The following MRTFB variants were observed in gnomAD, a reference collection of about 807,000 sequenced individuals.
The protein encoded by MRTFB is myocardin-related transcription factor B.
MRTFB carries 29 observed loss-of-function variants against 104.2 expected under a neutral mutation model. The ratio of observed to expected loss-of-function variants is 0.28; its 90% confidence interval spans 0.21 to 0.38. MRTFB has a LOEUF of 0.38. Among genes scored for constraint, MRTFB ranks in the 10% least tolerant of loss-of-function variants. MRTFB has a pLI of 1.00. For synonymous variants in MRTFB, 535 were observed against 519.5 expected, an observed-to-expected ratio of 1.03 and a Z score of -0.41; for missense variants, 1,270 against 1,341.6, an observed-to-expected ratio of 0.95 and a Z score of 0.83.
At chr16:14,190,828 A>G (rs2040147496) in intron 3 of MRTFB, among the ~76,000 whole-genome samples, 2 of 152,190 alleles carry the variant, frequency 1.3e-5, no homozygotes, top group Admixed American at 6.5e-5. Context: ...GTGTGGCTCA[A>G]CCAGGAGTGT....
chr16:14,249,897 CCAGCTT>C (rs2043184142), intron 13 of MRTFB, among the ~76,000 whole-genome samples: 1 of 152,220 alleles, frequency 6.6e-6, no homozygotes, highest in African/African-American at 2.4e-5. Flanking sequence ...CTGGGTGAAA[CCAGCTT>C]TGGGGACAGC....
chr16:14,009,373 A>G, the MRTFB span: 1 of 152,158 alleles, frequency 6.6e-6, no homozygotes, highest in African/African-American at 2.4e-5. Flanking sequence ...GTATCCTGCA[A>G]CCATACTAAA....
chr16:14,144,063 T>C (rs969205655), intron 3 of MRTFB: 1 of 152,240 alleles, frequency 6.6e-6, no homozygotes, highest in Non-Finnish European at 1.5e-5. Flanking sequence ...GGGAATAATG[T>C]ATTGGTTTTT....
chr16:14,244,145 A>G (rs1411022429), intron 10 of MRTFB, among the ~76,000 whole-genome samples: 3 of 152,114 alleles, frequency 2.0e-5, no homozygotes, highest in African/African-American at 7.2e-5. Context: ...CCCAAAGTGC[A>G]GTTTTGCCTG....
chr16:14,038,396 C>A, the MRTFB span, among the ~76,000 whole-genome samples: 1 of 152,194 alleles, frequency 6.6e-6, no homozygotes, highest in African/African-American at 2.4e-5. Flanking sequence ...GGACAAGATT[C>A]ATTCCATAAC....
intron 2 of MRTFB, among the ~76,000 whole-genome samples, chr16:14,119,691 T>A (rs982328337): frequency 1.3e-5 from 2 of 152,228 alleles, no homozygotes; most frequent in East Asian, 3.8e-4. Context: ...CTGGTCTGTT[T>A]TAAACTTATT....
At chr16:14,038,745 G>C in the MRTFB span, among the ~76,000 whole-genome samples, 1 of 152,126 alleles carries the variant, frequency 6.6e-6, no homozygotes, top group Non-Finnish European at 1.5e-5. Flanking sequence ...TGGCTGGCTG[G>C]TTCTGGTTCA....
chr16:14,212,447 C>A (rs773040387), intron 5 of MRTFB, 38 bp downstream of exon 5: 6 of 1,580,676 alleles, frequency 3.8e-6, no homozygotes, highest in Non-Finnish European at 4.3e-6. Flanking sequence ...ACTTCTCTCT[C>A]CTTCTCTCCT....
intron 1 of MRTFB, among the ~76,000 whole-genome samples, chr16:14,078,229 A>G (rs1348368698): frequency 6.6e-6 from 1 of 152,234 alleles, no homozygotes; most frequent in Non-Finnish European, 1.5e-5. Context: ...GTAAGGAGAG[A>G]AACTGTGTTC....
At chr16:14,167,776 C>G (rs532643249) in intron 3 of MRTFB, among the ~76,000 whole-genome samples, 64 of 152,314 alleles carry the variant, frequency 4.2e-4, no homozygotes, top group African/African-American at 1.5e-3. Flanking sequence ...ACTGCAAGCT[C>G]CGCCTCCCAG....
intron 2 of MRTFB, among the ~76,000 whole-genome samples, chr16:14,106,807 G>T (rs910477545): frequency 6.6e-6 from 1 of 152,204 alleles, no homozygotes; most frequent in Non-Finnish European, 1.5e-5. Context: ...CTGGGACTCA[G>T]TGAGGGGAAT....
At chr16:14,159,683 A>G (rs1000463603) in intron 3 of MRTFB, among the ~76,000 whole-genome samples, 7 of 152,136 alleles carry the variant, frequency 4.6e-5, no homozygotes, top group African/African-American at 1.7e-4. Flanking sequence ...TAATCCCAGC[A>G]CTTTGGGAGG....
At chr16:14,239,723 ATTCATG>A (rs1456552298) in intron 9 of MRTFB, among the ~76,000 whole-genome samples, 6 of 152,180 alleles carry the variant, frequency 3.9e-5, no homozygotes, top group African/African-American at 1.4e-4. Context: ...AAATTTTCAA[ATTCATG>A]TTCATATCAT....
chr16:14,217,185 G>T lies in MRTFB; in HGVS notation c.412G>T (p.Ala138Ser). 2 of 1,613,926 alleles carry T rather than the reference G, an allele frequency of 1.2e-6. No homozygotes were observed. Among genetic ancestry groups the T allele is most frequent in the Non-Finnish European group, 1.7e-6 (2 of 1,179,902 alleles). The change falls in exon 7 of 17, where the codon GCA becomes TCA. Residue 138 changes from alanine (A) to serine (S), a missense_variant. Around this residue, in one of 3 missense-constraint regions of MRTFB, gnomAD observed 64 missense variants for 152.9 expected, o/e 0.42. Coordinates refer to ENST00000571589, the MANE Select transcript of MRTFB (RefSeq NM_001308142.2). ...TQMKLKRARL[A>S]DDLNEKIAQR... ...GATGAAGTTGAAAAGAGCTCGACTA[G>T]CAGATGATCTGAATGAAAAGATTGC...
the MRTFB span, among the ~76,000 whole-genome samples, chr16:14,059,204 A>G: frequency 1.3e-5 from 2 of 151,996 alleles, no homozygotes; most frequent in Admixed American, 1.3e-4. Flanking sequence ...CACTTCAAAC[A>G]TTTATCATTT....
rs370944897 is a variant in MRTFB, at chr16:14,228,352, G to A, written c.694-5794G>A. On this transcript the variant is annotated intron_variant, in intron 8 of 16. Transcript: ENST00000571589. ...AGCACTTTGGGAGGCCAAGTTGGGC[G>A]GATCACAAGGTTAGGAGATCGAGAC... Among the ~76,000 whole-genome samples, 360 of 152,284 alleles carry A rather than the reference G, an allele frequency of 2.4e-3. 1 individual carries two copies. Among genetic ancestry groups the A allele is most frequent in the African/African-American group, 7.1e-3 (297 of 41,550 alleles).
chr16:14,199,188 T>A (rs1400331758), intron 3 of MRTFB, among the ~76,000 whole-genome samples: 2 of 152,186 alleles, frequency 1.3e-5, no homozygotes, highest in Non-Finnish European at 1.5e-5. Context: ...TCATGCCTCC[T>A]TTAAAAACTC....
At chr16:14,207,259 A>G (rs1398819241) in intron 3 of MRTFB, among the ~76,000 whole-genome samples, 1 of 152,202 alleles carries the variant, frequency 6.6e-6, no homozygotes, top group Non-Finnish European at 1.5e-5. Context: ...CCTACCTTCA[A>G]GCAGTATAAG....
At chr16:14,063,309 T>A in the MRTFB span, among the ~76,000 whole-genome samples, 2 of 152,362 alleles carry the variant, frequency 1.3e-5, no homozygotes, top group South Asian at 4.1e-4. Context: ...TCATTAATTT[T>A]TTAAAATCAC....
Sources: allele counts gnomAD v4.1 joint callset (sites outside exome capture counted in the v4.1 genomes callset), GRCh38; gene constraint gnomAD v4.1.1; regional missense constraint gnomAD v4.1.1; transcripts MANE v1.5; gene names NCBI Gene and HGNC (gene_info 2026-07-23, HGNC 2026-07-21).